The following NR3C2 variants were observed in gnomAD, a reference collection of about 807,000 sequenced individuals.
NR3C2 encodes the protein nuclear receptor subfamily 3 group C member 2, also known as mineralocorticoid receptor.
A neutral mutation model predicts 86.4 loss-of-function variants in NR3C2; 15 were observed. The ratio of observed to expected loss-of-function variants is 0.17; its 90% CI spans 0.12 to 0.27. NR3C2 has a LOEUF of 0.27. Among genes scored for constraint, NR3C2 ranks in the 10% least tolerant of loss-of-function variants. The pLI is 1.00. For missense variants in NR3C2, 960 were observed against 1,195.6 expected (o/e 0.80, Z 2.91); for synonymous variants, 458 against 450.5 (o/e 1.02, Z -0.21).
intron 2 of NR3C2, chr4:148,368,419 G>A (rs960974736): frequency 2.6e-5 from 4 of 152,056 alleles, no homozygotes; most frequent in African/African-American, 7.2e-5. Context: ...GAAGAAAATC[G>A]AATCGTGGGA....
At chr4:148,261,420 TGGTAAGCGCTATGGTGCGCTAC>T (rs1302818477) in intron 2 of NR3C2, among the ~76,000 whole-genome samples, 3 of 151,594 alleles carry the variant, frequency 2.0e-5, no homozygotes, top group East Asian at 3.9e-4. Flanking sequence ...TGGTGCGCTA[TGGTAAGCGCTATGGTGCGCTAC>T]GGTCAGTGCT....
chr4:148,152,256 T>C (rs1023196100), intron 6 of NR3C2, among the ~76,000 whole-genome samples: 2 of 152,224 alleles, frequency 1.3e-5, no homozygotes, highest in African/African-American at 4.8e-5. Context: ...GTGGAATTTA[T>C]ATATACTGAT....
intron 3 of NR3C2, among the ~76,000 whole-genome samples, chr4:148,226,672 G>A (rs1348929800): frequency 6.6e-6 from 1 of 152,142 alleles, no homozygotes; most frequent in Non-Finnish European, 1.5e-5. Flanking sequence ...ATTTGCTAAT[G>A]TGGTTGTGCC....
intron 2 of NR3C2, among the ~76,000 whole-genome samples, chr4:148,320,793 G>A (rs188943459): frequency 0.049 from 7,289 of 149,906 alleles, 570 homozygotes; most frequent in African/African-American, 0.17. Flanking sequence ...TCTTGCTAGC[G>A]GTCTATCAAT....
intron 2 of NR3C2, among the ~76,000 whole-genome samples, chr4:148,295,332 A>T (rs3910059): frequency 4.0e-5 from 6 of 151,744 alleles, no homozygotes; most frequent in South Asian, 2.1e-4. Context: ...ATGTAAATAA[A>T]CACTGTCCTG....
At chr4:148,270,263 T>C (rs954375373) in intron 2 of NR3C2, among the ~76,000 whole-genome samples, 18 of 152,214 alleles carry the variant, frequency 1.2e-4, no homozygotes, top group Non-Finnish European at 1.9e-4. Context: ...TCCTTGCCCT[T>C]GGTACTGCCC....
At chr4:148,409,366 T>A (rs542712949) in intron 2 of NR3C2, among the ~76,000 whole-genome samples, 1 of 152,156 alleles carries the variant, frequency 6.6e-6, no homozygotes, top group African/African-American at 2.4e-5. Flanking sequence ...TTTTTCCTTA[T>A]CAAATTGAGC....
Position 148,367,367 on chromosome 4 carries a change from T to C in NR3C2, c.1757+67737A>G, listed in dbSNP as rs61762833. ...TCTATGTCATATTATATAAATACAA[T>C]CATAATGTTAAATCAACAATGCCAT... is the stretch of plus-strand genomic sequence containing the variant. On this transcript the variant is annotated intron_variant, in intron 2 of 8. Transcript: ENST00000358102. Among the ~76,000 whole-genome samples the C allele has an allele frequency of 7.8e-3, 1,181 of 152,210 alleles. 12 individuals are homozygous for C. The highest frequency in any genetic ancestry group is 0.011 in the Non-Finnish European group (775 of 67,992).
chr4:148,278,492 C>A (rs1741071489), intron 2 of NR3C2, among the ~76,000 whole-genome samples: 2 of 152,106 alleles, frequency 1.3e-5, no homozygotes, highest in South Asian at 4.2e-4. Flanking sequence ...TTCCCAGGAC[C>A]CTAGTCTGAT....
At chr4:148,417,412 G>A (rs973477728) in intron 2 of NR3C2, among the ~76,000 whole-genome samples, 1 of 152,064 alleles carries the variant, frequency 6.6e-6, no homozygotes, top group African/African-American at 2.4e-5. Context: ...CTCAATTGAG[G>A]TTCTCTTTAA....
chr4:148,255,290 C>G (rs1393722042), intron 3 of NR3C2, among the ~76,000 whole-genome samples: 2 of 152,172 alleles, frequency 1.3e-5, no homozygotes, highest in African/African-American at 4.8e-5. Flanking sequence ...AATATTTTCT[C>G]TCATAGAATA....
Position 148,157,318 on chromosome 4 carries a change from A to C in NR3C2, c.2015-2417T>G, listed in dbSNP as rs575095975. Among the ~76,000 whole-genome samples, 8 of 152,244 alleles carry C rather than the reference A, an allele frequency of 5.3e-5. No individual in the cohort carries two copies. The South Asian group carries it at 6.2e-4, about 12-fold the overall frequency. On this transcript the variant is annotated intron_variant, in intron 4 of 8. Transcript: ENST00000358102. The stretch of plus-strand genomic sequence containing the variant: ...CTTAAAGTATAATTAAAAAAACCCC[A>C]AAAATGGCTAAAATTTATTGAATGC...
chr4:148,170,789 C>T (rs1176052188), intron 4 of NR3C2, among the ~76,000 whole-genome samples: 3 of 152,186 alleles, frequency 2.0e-5, no homozygotes, highest in African/African-American at 7.2e-5. Context: ...AGTAGTAGGG[C>T]CACACTTTTA....
intron 6 of NR3C2, among the ~76,000 whole-genome samples, chr4:148,124,759 C>G (rs1313976877): frequency 6.6e-6 from 1 of 152,110 alleles, no homozygotes; most frequent in African/African-American, 2.4e-5. Context: ...ACATTAGCCT[C>G]TCTTTCATAT....
intron 1 of NR3C2, among the ~76,000 whole-genome samples, chr4:148,437,294 T>C (rs1750128216): frequency 6.6e-6 from 1 of 152,226 alleles, no homozygotes; most frequent in South Asian, 2.1e-4. Flanking sequence ...TCTAAATCTT[T>C]TGACTCCAAT....
chr4:148,396,254 C>T (rs78517541), intron 2 of NR3C2, among the ~76,000 whole-genome samples: 4 of 152,286 alleles, frequency 2.6e-5, no homozygotes, highest in Non-Finnish European at 4.4e-5. Flanking sequence ...TAAAGCAGCA[C>T]ATAAATTTCA....
At chr4:148,213,150 T>G (rs901282446) in intron 3 of NR3C2, among the ~76,000 whole-genome samples, 1 of 146,072 alleles carries the variant, frequency 6.8e-6, no homozygotes, top group South Asian at 2.2e-4. Context: ...TTTTTTTTTT[T>G]AGACAAGACC....
At chr4:148,157,681 C>T (rs528637893) in intron 4 of NR3C2, among the ~76,000 whole-genome samples, 10 of 152,158 alleles carry the variant, frequency 6.6e-5, no homozygotes, top group Non-Finnish European at 2.9e-5. Flanking sequence ...GAATTACTTA[C>T]GTTACAAATG....
chr4:148,371,220 T>A (rs755009614), intron 2 of NR3C2, among the ~76,000 whole-genome samples: 1 of 152,226 alleles, frequency 6.6e-6, no homozygotes, highest in East Asian at 1.9e-4. Context: ...TATTTTAATA[T>A]GTACAACTAT....
Sources: allele counts gnomAD v4.1 joint callset (sites outside exome capture counted in the v4.1 genomes callset), GRCh38; gene constraint gnomAD v4.1.1; transcripts MANE v1.5; gene names NCBI Gene and HGNC (gene_info 2026-07-23, HGNC 2026-07-21).